GGA1: variants seen among roughly 807,000 people sequenced by gnomAD.
GGA1 encodes the protein ADP-ribosylation factor-binding protein GGA1.
GGA1 carries 18 observed loss-of-function variants against 76.9 expected under a neutral mutation model. That is an observed-to-expected ratio of 0.23 (90% CI 0.16 to 0.35). The LOEUF (loss-of-function observed/expected upper bound fraction) is 0.35, where lower values mean the gene tolerates loss of function less well. Ranked by LOEUF, GGA1 falls within the 10% of genes least tolerant of loss-of-function variation. The pLI, the probability that GGA1 is intolerant of heterozygous loss-of-function variation, is 1.00. For synonymous variants in GGA1, 342 were observed against 354.7 expected, an observed-to-expected ratio of 0.96 and a Z score of 0.40; for missense variants, 755 against 859.0, an observed-to-expected ratio of 0.88 and a Z score of 1.51.
Position 37,621,927 on chromosome 22 carries a change from T to A in GGA1, c.609+231T>A, listed in dbSNP as rs1395231732. Among the ~76,000 whole-genome samples the A allele has an allele frequency of 4.6e-5, 7 of 152,060 alleles. No homozygotes were observed. The East Asian group carries it at 1.2e-3, about 25-fold the overall frequency. On this transcript the variant is annotated intron_variant, in intron 7 of 16. Transcript: ENST00000343632. ...AGGCTGGCTACCTCTTCGTCAAAAG[T>A]TAGAAATGAATTAGGCCTTAGTATA...
intron 2 of GGA1, 109 bp from the exon 3 acceptor site, chr22:37,616,813 G>A (rs1928881853): frequency 2.0e-5 from 27 of 1,371,144 alleles, no homozygotes; most frequent in East Asian, 5.5e-5. Flanking sequence ...CCCCTAGGGC[G>A]ACCAGGGCCC....
chr22:37,608,965 C>G, intron 1 of GGA1, 62 bp downstream of exon 1: 4 of 1,336,892 alleles, frequency 3.0e-6, no homozygotes, highest in Non-Finnish European at 3.8e-6. Flanking sequence ...GAGGCGGGCC[C>G]CTTCCCGGCG....
intron 11 of GGA1, among the ~76,000 whole-genome samples, chr22:37,627,505 G>A (rs974218721): frequency 6.6e-6 from 1 of 152,156 alleles, no homozygotes; most frequent in Non-Finnish European, 1.5e-5. Flanking sequence ...ATTCTACAGA[G>A]AAGTAAAGGA....
intron 1 of GGA1, among the ~76,000 whole-genome samples, chr22:37,613,369 A>C (rs972720352): frequency 1.3e-5 from 2 of 151,914 alleles, no homozygotes; most frequent in Non-Finnish European, 1.5e-5. Flanking sequence ...CCCCAAACTG[A>C]ACTGAGTCCC....
At position 37,623,191 on chromosome 22, in the gene GGA1, G is replaced by A. The variant is rs1930195393; in HGVS notation, c.610-136G>A. On this transcript the variant is annotated intron_variant, in intron 7 of 16. Coordinates refer to ENST00000343632, the MANE Select transcript of GGA1 (RefSeq NM_013365.5). This position sits in a 1 kb window ranked among gnomAD's most constrained non-coding sequence, Gnocchi z 4.6. The stretch of plus-strand genomic sequence containing the variant: ...GAGGGGCTCCTGGCAGGGCCTGCTG[G>A]AGCCCCACCCAGAGTGTGATCCCAC... 1 of 850,708 alleles carries A rather than the reference G, an allele frequency of 1.2e-6. No individual in the cohort carries two copies. Among genetic ancestry groups the A allele is most frequent in the African/African-American group, 1.7e-5 (1 of 60,056 alleles). The allele number at this position is 850,708 out of a possible 1,614,324, so 52.7% of individuals were successfully genotyped here.
At chr22:37,622,675 A>G (rs1930110753) in intron 7 of GGA1, among the ~76,000 whole-genome samples, 1 of 152,128 alleles carries the variant, frequency 6.6e-6, no homozygotes, top group Non-Finnish European at 1.5e-5. Context: ...CGGCCTCCCA[A>G]AGTGCTGAAA....
In GGA1 at chr22:37,630,026, C is replaced by G. The variant is rs769047869; in HGVS notation, c.1187C>G (p.Pro396Arg). 6.3e-7 allele frequency: 1 copy of G among 1,587,008 alleles called. No homozygotes were observed. The highest frequency in any genetic ancestry group is 8.6e-7 in the Non-Finnish European group (1 of 1,166,498). Residue 396 changes from proline (P) to arginine (R), a missense_variant, in exon 13 of 17, where the codon CCT (proline) becomes CGT (arginine). Physicochemically the swap from Pro to Arg is moderately radical, Grantham distance 103 (BLOSUM62 -2). Coordinates refer to ENST00000343632, the MANE Select transcript of GGA1 (RefSeq NM_013365.5). ...TCGGATGCCACTGAGCCCCCAGCCC[C>G]TGCTCTGGCCCAGGCCCCCAGTATG... ...QSSDATEPPA[P>R]ALAQAPSMES...
At chr22:37,631,186 C>T in intron 14 of GGA1, 87 bp downstream of exon 14, 1 of 1,123,580 alleles carries the variant, frequency 8.9e-7, no homozygotes, top group Non-Finnish European at 1.2e-6. Flanking sequence ...AGTGGGAAAG[C>T]AGGGCTCCCC....
At position 37,624,452 on chromosome 22, in the gene GGA1, TA is replaced by T. The variant is rs140362221; in HGVS notation, c.833-501del. 0.033 allele frequency: 4,360 copies of T among 132,370 alleles called. 153 individuals carry two copies. Among genetic ancestry groups the T allele is most frequent in the African/African-American group, 0.091 (3,339 of 36,714 alleles). 8.2% of individuals were successfully genotyped at this position (132,370 alleles called of 1,614,324 possible). A position where few individuals can be genotyped will look rare whatever the true frequency, so the allele number is the denominator to read the frequency against. ...GTCTCTATTTCAAATATATTTATAT[TA>T]AAAAAAAAAAAAAAAGGTTGACAAA... On this transcript the variant is annotated intron_variant, in intron 9 of 16. Transcript: ENST00000343632. The surrounding 1 kb of genome is among the most constrained non-coding windows in gnomAD (Gnocchi z 4.3).
chr22:37,629,974 C>T (rs769190713), intron 12 of GGA1, 24 bp from the exon 13 acceptor site: 6 of 1,512,230 alleles, frequency 4.0e-6, no homozygotes, highest in Non-Finnish European at 4.5e-6. Flanking sequence ...CAGCCCCACC[C>T]CACCTGCATC....
At position 37,623,557 on chromosome 22, in the gene GGA1, G is replaced by A. The variant is rs1357703743; in HGVS notation, c.756G>A (p.Leu252=). The A allele has an allele frequency of 6.2e-7, 1 of 1,612,666 alleles. No individual in the cohort carries two copies. Among genetic ancestry groups the A allele is most frequent in the East Asian group, 2.2e-5 (1 of 44,820 alleles). The part of the protein sequence containing the change: ...AGSSEDLMKE[L]YQRCERMRPT... ...GCCCATCCTGCTGCCCTCAGGAACT[G>A]TACCAGCGCTGTGAGCGGATGCGGC... The change falls in exon 9 of 17, where the codon CTG becomes CTA. Residue 252 remains leucine, a synonymous_variant. Coordinates refer to ENST00000343632, the MANE Select transcript of GGA1 (RefSeq NM_013365.5). This position sits in a 1 kb window ranked among gnomAD's most constrained non-coding sequence, Gnocchi z 4.6.
chr22:37,624,755 A>G lies in GGA1; in HGVS notation c.833-214A>G, dbSNP rs1930497752. ...CGGGCCCAGTGTGTTGAGACAGCCC[A>G]GGCAGTATGGCAGGGAGTGAATGAG... On this transcript the variant is annotated intron_variant, in intron 9 of 16. Coordinates refer to ENST00000343632, the MANE Select transcript of GGA1 (RefSeq NM_013365.5). This position sits in a 1 kb window ranked among gnomAD's most constrained non-coding sequence, Gnocchi z 4.3. The G allele has an allele frequency of 1.7e-6, 1 of 582,768 alleles. No individual in the cohort carries two copies. Among genetic ancestry groups the G allele is most frequent in the South Asian group, 1.9e-5 (1 of 51,784 alleles). The allele number at this position is 582,768 out of a possible 1,614,324, so 36.1% of individuals were successfully genotyped here. A position where few individuals can be genotyped will look rare whatever the true frequency, so the allele number is the denominator to read the frequency against.
At chr22:37,609,047 C>A (rs1379247124) in intron 1 of GGA1, 144 bp downstream of exon 1, 2 of 1,462,964 alleles carry the variant, frequency 1.4e-6, no homozygotes, top group Non-Finnish European at 1.8e-6. Context: ...CTCAGTCGGC[C>A]CCTCAGACCC....
rs560048228 is a variant in GGA1, at chr22:37,623,780, C to G, written c.832+147C>G. On this transcript the variant is annotated intron_variant, in intron 9 of 16. Coordinates refer to ENST00000343632, the MANE Select transcript of GGA1 (RefSeq NM_013365.5). This position sits in a 1 kb window ranked among gnomAD's most constrained non-coding sequence, Gnocchi z 4.6. ...CTCCAGCACCGACCTTGGGTTTCTC[C>G]TCTCTGAGGACACAGAGCAGGGGCC... 24 of 624,494 alleles carry G rather than the reference C, an allele frequency of 3.8e-5. No individual in the cohort carries two copies. Among genetic ancestry groups the G allele is most frequent in the South Asian group, 3.8e-4 (20 of 52,352 alleles). 38.7% of individuals were successfully genotyped at this position (624,494 alleles called of 1,614,324 possible).
At chr22:37,615,929 C>G (rs1351147463) in intron 2 of GGA1, among the ~76,000 whole-genome samples, 1 of 151,772 alleles carries the variant, frequency 6.6e-6, no homozygotes, top group Non-Finnish European at 1.5e-5. Context: ...CAAGCTCCGC[C>G]TCCCAGGTTC....
intron 12 of GGA1, 108 bp downstream of exon 12, chr22:37,629,634 C>A: frequency 1.4e-6 from 1 of 715,938 alleles, no homozygotes; most frequent in Non-Finnish European, 2.3e-6. Flanking sequence ...TACTCAAGAG[C>A]CCAGGGCCAG....
chr22:37,612,471 CA>C lies in GGA1; in HGVS notation c.44-1704del, dbSNP rs372362445. The C allele has an allele frequency of 4.0e-3, 319 of 78,914 alleles. 3 individuals carry two copies. The highest frequency in any genetic ancestry group is 0.033 in the Middle Eastern group (3 of 90). The allele number at this position is 78,914 out of a possible 1,614,324, so 4.9% of individuals were successfully genotyped here. ...TGGGCGATAGAGCGAGACTCCGTCT[CA>C]AAAAAAAAAAAAAATACAGCCGGGC... On this transcript the variant is annotated intron_variant, in intron 1 of 16. Coordinates refer to ENST00000343632, the MANE Select transcript of GGA1 (RefSeq NM_013365.5).
At chr22:37,617,227 G>T in intron 3 of GGA1, 2 of 1,390,094 alleles carry the variant, frequency 1.4e-6, no homozygotes, top group South Asian at 3.4e-5. Context: ...AGGCCCTCTA[G>T]GGTCATCTGG....
At chr22:37,612,492 C>G (rs1366551743) in intron 1 of GGA1, 2 of 135,394 alleles carry the variant, frequency 1.5e-5, no homozygotes, top group African/African-American at 2.7e-5. Context: ...AAAAATACAG[C>G]CGGGCACGGT....
Sources: gnomAD v4.1 joint callset for allele counts (sites outside exome capture counted in the v4.1 genomes callset) on GRCh38, gnomAD v4.1.1 for gene constraint, Gnocchi (gnomAD v3.1) non-coding constraint, MANE v1.5 for transcripts, NCBI Gene and HGNC (gene_info 2026-07-23, HGNC 2026-07-21) for gene names.